The following ARID5B variants were observed in gnomAD, a reference collection of about 807,000 sequenced individuals.
ARID5B encodes the protein AT-rich interaction domain 5B, also known as AT-rich interactive domain-containing protein 5B.
ARID5B carries 13 observed loss-of-function variants against 97.2 expected under a neutral mutation model. The observed-to-expected ratio is 0.13, with a 90% CI of 0.09 to 0.21. ARID5B has a LOEUF of 0.21. Among genes scored for constraint, ARID5B ranks in the 10% least tolerant of loss-of-function variants. ARID5B has a pLI of 1.00. For synonymous variants in ARID5B, 556 were observed against 570.3 expected, an observed-to-expected ratio of 0.97 and a Z score of 0.36; for missense variants, 1,210 against 1,465.3, an observed-to-expected ratio of 0.83 and a Z score of 2.84.
chr10:61,996,971 T>A (rs1312713556), intron 3 of ARID5B, among the ~76,000 whole-genome samples: 7 of 151,148 alleles, frequency 4.6e-5, no homozygotes, highest in African/African-American at 1.7e-4. Flanking sequence ...AAACTCAGAG[T>A]TACTGGTTTC....
At chr10:61,908,661 G>C (rs983099798) in intron 2 of ARID5B, among the ~76,000 whole-genome samples, 1 of 151,950 alleles carries the variant, frequency 6.6e-6, no homozygotes, top group South Asian at 2.1e-4. Flanking sequence ...TTAGCTGGGC[G>C]TGGTGGTGGG....
intron 2 of ARID5B, among the ~76,000 whole-genome samples, chr10:61,938,504 T>G (rs936003541): frequency 2.0e-5 from 3 of 152,208 alleles, no homozygotes; most frequent in Non-Finnish European, 4.4e-5. Flanking sequence ...TAGCCTGACT[T>G]TATTCTGACA....
At chr10:62,076,580 T>C (rs1840139914) in intron 8 of ARID5B, among the ~76,000 whole-genome samples, 2 of 95,336 alleles carry the variant, frequency 2.1e-5, no homozygotes, top group South Asian at 7.0e-4. Flanking sequence ...AAAAAAAAAC[T>C]ACATCTATAA....
chr10:61,942,753 C>T (rs910525513), intron 3 of ARID5B, among the ~76,000 whole-genome samples: 1 of 152,192 alleles, frequency 6.6e-6, no homozygotes, highest in Admixed American at 6.5e-5. Context: ...AATCATCACA[C>T]CTTTGCACTC....
At chr10:62,045,633 T>G (rs957446730) in intron 4 of ARID5B, among the ~76,000 whole-genome samples, 6 of 151,972 alleles carry the variant, frequency 3.9e-5, no homozygotes, top group Non-Finnish European at 8.8e-5. Context: ...GTATTTTTGG[T>G]AGAGACAGGG....
At chr10:61,994,574 A>C (rs942142636) in intron 3 of ARID5B, among the ~76,000 whole-genome samples, 10 of 152,286 alleles carry the variant, frequency 6.6e-5, no homozygotes, top group African/African-American at 2.4e-4. Context: ...GCAACCTGCT[A>C]TTCAGAATGA....
chr10:61,955,020 G>A lies in ARID5B; in HGVS notation c.502+14612G>A, dbSNP rs1021034143. ...AAACTCCATCTCAAAAAAAAAAAAA[G>A]CAATCTATGATGTGCCATGGTTTTG... is the stretch of plus-strand genomic sequence containing the variant. On this transcript the variant is annotated intron_variant, in intron 3 of 9. Transcript: ENST00000279873. Among the ~76,000 whole-genome samples the A allele has an allele frequency of 3.3e-3, 493 of 147,378 alleles. 1 individual carries two copies. Among genetic ancestry groups the A allele is most frequent in the South Asian group, 9.3e-3 (44 of 4,716 alleles).
chr10:61,990,161 C>T (rs1354637647), intron 3 of ARID5B, among the ~76,000 whole-genome samples: 1 of 152,188 alleles, frequency 6.6e-6, no homozygotes, highest in African/African-American at 2.4e-5. Context: ...TCCCTTCTTT[C>T]CTTGTTGAGC....
chr10:61,961,304 A>G (rs1564613899), intron 3 of ARID5B, among the ~76,000 whole-genome samples: 1 of 152,240 alleles, frequency 6.6e-6, no homozygotes, highest in Non-Finnish European at 1.5e-5. Context: ...TAAAATAAAA[A>G]ATATGTTTAT....
chr10:61,928,064 C>T (rs1564604054), intron 2 of ARID5B, among the ~76,000 whole-genome samples: 1 of 152,102 alleles, frequency 6.6e-6, no homozygotes, highest in Non-Finnish European at 1.5e-5. Flanking sequence ...TGCTTCCCTT[C>T]AGGCTGGTCC....
chr10:62,043,155 C>A (rs1486493322), intron 4 of ARID5B, among the ~76,000 whole-genome samples: 1 of 152,040 alleles, frequency 6.6e-6, no homozygotes, highest in Admixed American at 6.6e-5. Context: ...GCCAAATAGA[C>A]CAGAGAGAAG....
intron 4 of ARID5B, among the ~76,000 whole-genome samples, chr10:62,020,927 C>T (rs1046417607): frequency 6.6e-6 from 1 of 151,250 alleles, no homozygotes; most frequent in Non-Finnish European, 1.5e-5. Flanking sequence ...CTGTAGCCCT[C>T]GTTCTGGAAC....
intron 4 of ARID5B, among the ~76,000 whole-genome samples, chr10:62,049,638 T>C (rs1268554493): frequency 6.6e-6 from 1 of 152,172 alleles, no homozygotes; most frequent in Non-Finnish European, 1.5e-5. Flanking sequence ...CCCTAAAGCC[T>C]CTTTTTAAAC....
chr10:61,917,480 CA>C (rs1418958329), intron 2 of ARID5B, among the ~76,000 whole-genome samples: 6 of 152,136 alleles, frequency 3.9e-5, no homozygotes, highest in Admixed American at 2.6e-4. Context: ...AGGAAAGCAC[CA>C]CCACGCCCGG....
At chr10:61,968,187 T>TAC (rs33990104) in intron 3 of ARID5B, among the ~76,000 whole-genome samples, 32,427 of 138,048 alleles carry the variant, frequency 0.23, 3,936 homozygotes, top group Middle Eastern at 0.32. Flanking sequence ...CACATATTTA[T>TAC]ACACACACAC....
intron 3 of ARID5B, among the ~76,000 whole-genome samples, chr10:61,949,875 C>T (rs757412335): frequency 5.9e-5 from 9 of 152,170 alleles, no homozygotes; most frequent in South Asian, 2.1e-4. Flanking sequence ...AAGTCTTATG[C>T]GGCCTTGGCT....
chr10:62,088,312 T>C (rs1224537440), intron 9 of ARID5B, among the ~76,000 whole-genome samples: 1 of 152,236 alleles, frequency 6.6e-6, no homozygotes, highest in East Asian at 1.9e-4. Context: ...GTGTGTTCTA[T>C]TAGCTGCCAT....
At chr10:61,903,144 T>G (rs1397499894) in intron 2 of ARID5B, among the ~76,000 whole-genome samples, 1 of 149,092 alleles carries the variant, frequency 6.7e-6, no homozygotes, top group Admixed American at 6.6e-5. Flanking sequence ...GTGGACGTCC[T>G]CCTGCGCGAT....
intron 2 of ARID5B, among the ~76,000 whole-genome samples, chr10:61,938,993 G>GTGTGTGTGTT (rs1487267671): frequency 6.6e-6 from 1 of 151,194 alleles, no homozygotes; most frequent in Non-Finnish European, 1.5e-5. Context: ...GTGTGTGTGT[G>GTGTGTGTGTT]TGTGTGTGTG....
Sources: gnomAD v4.1 joint callset for allele counts (sites outside exome capture counted in the v4.1 genomes callset) on GRCh38, gnomAD v4.1.1 for gene constraint, MANE v1.5 for transcripts, NCBI Gene and HGNC (gene_info 2026-07-23, HGNC 2026-07-21) for gene names.